The following GTF3C6 variants were observed in gnomAD, a reference collection of about 807,000 sequenced individuals.
The protein encoded by GTF3C6 is general transcription factor IIIC subunit 6.
Under a neutral mutation model 19.2 loss-of-function variants are expected in GTF3C6, and 11 were observed. That is an observed-to-expected ratio of 0.57 (90% CI 0.36 to 0.95). The LOEUF is 0.95. Ranked by LOEUF, GTF3C6 falls within the 40% of genes least tolerant of loss-of-function variation. GTF3C6 has a pLI of 0.01. For synonymous variants in GTF3C6, 87 were observed against 84.2 expected, an observed-to-expected ratio of 1.03 and a Z score of -0.18; for missense variants, 222 against 254.7, an observed-to-expected ratio of 0.87 and a Z score of 0.87.
At position 110,967,867 on chromosome 6, in the gene GTF3C6, T is replaced by A; in HGVS notation, c.*77T>A. 1 of 1,247,318 alleles carries A rather than the reference T, an allele frequency of 8.0e-7. No individual in the cohort carries two copies. Among genetic ancestry groups the A allele is most frequent in the Non-Finnish European group, 1.1e-6 (1 of 889,658 alleles). 77.3% of individuals were successfully genotyped at this position (1,247,318 alleles called of 1,614,324 possible). A position where few individuals can be genotyped will look rare whatever the true frequency, so the allele number is the denominator to read the frequency against. Reference sequence around the variant, plus strand: ...AGAGTTGTTACATAAAAATAATTGCTGTGTAGCTTTCAGTCTTTTAATATT... The same window carrying A: ...AGAGTTGTTACATAAAAATAATTGCAGTGTAGCTTTCAGTCTTTTAATATT... On this transcript the variant is annotated 3_prime_UTR_variant, in exon 6 of 6. Transcript: ENST00000329970.
intron 4 of GTF3C6, among the ~76,000 whole-genome samples, chr6:110,961,001 G>A (rs1201225901): frequency 1.3e-5 from 2 of 151,656 alleles, no homozygotes; most frequent in East Asian, 2.0e-4. Context: ...AGCCGAGATC[G>A]CACCAGTGCA....
chr6:110,967,370 ACAGACAC>A, intron 5 of GTF3C6, 133 bp from the exon 6 acceptor site: 1 of 713,732 alleles, frequency 1.4e-6, no homozygotes, highest in East Asian at 2.8e-5. Context: ...ATCAGTAGTT[ACAGACAC>A]CATATTCCTT....
At chr6:110,959,394 A>T (rs1302474168) in intron 2 of GTF3C6, 142 bp downstream of exon 2, 2 of 581,324 alleles carry the variant, frequency 3.4e-6, no homozygotes, top group East Asian at 6.1e-5. Flanking sequence ...GAAGTATACT[A>T]AGTATAATTA....
At chr6:110,962,898 C>CT (rs1771180596) in intron 5 of GTF3C6, among the ~76,000 whole-genome samples, 1 of 152,188 alleles carries the variant, frequency 6.6e-6, no homozygotes, top group Non-Finnish European at 1.5e-5. Context: ...GCTGCCTCAG[C>CT]CTCCGGAGTA....
At chr6:110,959,069 C>T (rs372613360) in intron 1 of GTF3C6, 103 bp from the exon 2 acceptor site, 3 of 932,020 alleles carry the variant, frequency 3.2e-6, no homozygotes, top group African/African-American at 1.7e-5. Flanking sequence ...TTGCTGAAAA[C>T]AGGGTCCGGT....
rs377251086 is a variant in GTF3C6, at chr6:110,959,961, TA to T, written c.139-441del. Among the ~76,000 whole-genome samples the T allele has an allele frequency of 2.9e-3, 272 of 93,072 alleles. 1 individual carries two copies. The highest frequency in any genetic ancestry group is 9.6e-3 in the Middle Eastern group (2 of 208). 61.1% of individuals were successfully genotyped at this position (93,072 alleles called of 152,430 possible). On this transcript the variant is annotated intron_variant, in intron 2 of 5. Coordinates refer to ENST00000329970, the MANE Select transcript of GTF3C6 (RefSeq NM_138408.4). ...AACAAAGGGCAAAACTCCATCTCAA[TA>T]AAAAAAAAAAATAATAATAATAATA...
At chr6:110,965,454 C>G (rs1271775386) in intron 5 of GTF3C6, among the ~76,000 whole-genome samples, 1 of 143,000 alleles carries the variant, frequency 7.0e-6, no homozygotes, top group African/African-American at 2.7e-5. Flanking sequence ...ATGAGTATAG[C>G]TTAACAAGGA....
intron 5 of GTF3C6, among the ~76,000 whole-genome samples, chr6:110,962,999 A>G (rs1771184362): frequency 6.6e-6 from 1 of 152,012 alleles, no homozygotes; most frequent in Non-Finnish European, 1.5e-5. Flanking sequence ...GGATGCTCTC[A>G]ATCTCTTGAC....
rs769018044 is a variant in GTF3C6 at position 110,962,438 on chromosome 6, T to C, written c.294T>C (p.His98=). Residue 98 remains histidine, a synonymous_variant, in exon 5 of 6, where the codon CAT becomes CAC. Coordinates refer to ENST00000329970, the MANE Select transcript of GTF3C6 (RefSeq NM_138408.4). ...NNKTVLKYKC[H]TMKKLSMTRT... ...AAACAGTGCTAAAATATAAATGCCA[T>C]ACAATGAAGAAGCTCAGCATGACAA... 2 of 1,612,088 alleles carry C rather than the reference T, an allele frequency of 1.2e-6. No homozygotes were observed. The highest frequency in any genetic ancestry group is 2.2e-5 in the South Asian group (2 of 91,036).
intron 5 of GTF3C6, among the ~76,000 whole-genome samples, chr6:110,967,024 A>T (rs1437682386): frequency 2.0e-5 from 3 of 151,860 alleles, no homozygotes; most frequent in Non-Finnish European, 4.4e-5. Context: ...ATGGTGGCAC[A>T]CACCTGTAAT....
At chr6:110,964,510 G>A (rs1332263323) in intron 5 of GTF3C6, among the ~76,000 whole-genome samples, 1 of 152,256 alleles carries the variant, frequency 6.6e-6, no homozygotes, top group African/African-American at 2.4e-5. Flanking sequence ...AAAGTGCTGG[G>A]ATTACAGGCA....
intron 1 of GTF3C6, 171 bp downstream of exon 1, chr6:110,958,997 T>C (rs1242351150): frequency 1.2e-6 from 1 of 848,828 alleles, no homozygotes; most frequent in Non-Finnish European, 1.9e-6. Flanking sequence ...TTAGCCCTAA[T>C]CGTCACCCCG....
chr6:110,962,320 A>G lies in GTF3C6; in HGVS notation c.248-72A>G, dbSNP rs569108354. 1.1e-3 allele frequency: 874 copies of G among 786,914 alleles called. 2 individuals carry two copies. Among genetic ancestry groups the G allele is most frequent in the Non-Finnish European group, 1.6e-3 (761 of 462,570 alleles). 48.7% of individuals were successfully genotyped at this position (786,914 alleles called of 1,614,324 possible). On this transcript the variant is annotated intron_variant, in intron 4 of 5. Coordinates refer to ENST00000329970, the MANE Select transcript of GTF3C6 (RefSeq NM_138408.4). ...GTTTAATCTGACTCCCTACACTGGA[A>G]TTACTAAGGCTTCATCTTTGTTTTA...
intron 5 of GTF3C6, among the ~76,000 whole-genome samples, chr6:110,966,924 C>T (rs931306514): frequency 5.3e-5 from 8 of 151,992 alleles, no homozygotes; most frequent in African/African-American, 1.4e-4. Flanking sequence ...GGAGGTGAGG[C>T]GGGTGGATGG....
At chr6:110,965,448 G>GCATT (rs1562359452) in intron 5 of GTF3C6, among the ~76,000 whole-genome samples, 1 of 151,704 alleles carries the variant, frequency 6.6e-6, no homozygotes, top group African/African-American at 2.4e-5. Context: ...CTCATGATGA[G>GCATT]TATAGCTTAA....
At chr6:110,959,552 G>C (rs1771131306) in intron 2 of GTF3C6, among the ~76,000 whole-genome samples, 1 of 152,108 alleles carries the variant, frequency 6.6e-6, no homozygotes, top group Non-Finnish European at 1.5e-5. Flanking sequence ...ATATGGAACC[G>C]TACATATATT....
intron 5 of GTF3C6, among the ~76,000 whole-genome samples, chr6:110,965,061 C>T (rs1026014786): frequency 2.6e-5 from 4 of 151,182 alleles, no homozygotes; most frequent in South Asian, 2.1e-4. Flanking sequence ...CTCGAACTCC[C>T]GACCTCAAGT....
At position 110,967,660 on chromosome 6, in the gene GTF3C6, A is replaced by G; in HGVS notation, c.512A>G (p.Asn171Ser). 1 of 1,614,172 alleles carries G rather than the reference A, an allele frequency of 6.2e-7. No individual in the cohort carries two copies. Among genetic ancestry groups the G allele is most frequent in the South Asian group, 1.1e-5 (1 of 91,088 alleles). Residue 171 changes from asparagine to serine, a missense_variant, in exon 6 of 6, where the codon AAC becomes AGC. Physicochemically the swap from Asn to Ser is conservative, Grantham distance 46. Coordinates refer to ENST00000329970, the MANE Select transcript of GTF3C6 (RefSeq NM_138408.4). ...LELEEEEIQM[N>S]DSSNLSCEQE... ...TTGGAAGAGGAAGAGATTCAAATGA[A>G]CGACAGTTCAAACCTGAGTTGTGAA...
rs572087228 is a variant in GTF3C6, at chr6:110,962,760, G to A, written c.361+255G>A. 4.6e-5 allele frequency among the ~76,000 whole-genome samples: 7 copies of A among 151,410 alleles called. No individual in the cohort carries two copies. In the East Asian group the frequency reaches 8.2e-4, roughly 18 times the overall value. ...AGGGATTACAGGCACCCACCACCAC[G>A]CCCAGCCAATTTTCTTTTTTTTTCT... On this transcript the variant is annotated intron_variant, in intron 5 of 5. Coordinates refer to ENST00000329970, the MANE Select transcript of GTF3C6 (RefSeq NM_138408.4).
Sources: gnomAD v4.1 joint callset for allele counts (sites outside exome capture counted in the v4.1 genomes callset) on GRCh38, gnomAD v4.1.1 for gene constraint, MANE v1.5 for transcripts, NCBI Gene and HGNC (gene_info 2026-07-23, HGNC 2026-07-21) for gene names.